The following THOC2 variants were observed in gnomAD, a reference collection of about 807,000 sequenced individuals.
THOC2 encodes the protein THO complex subunit 2, also known as THO complex 2.
Under a neutral mutation model 128.4 loss-of-function variants are expected in THOC2, and 10 were observed. The observed-to-expected ratio is 0.08, with a 90% CI of 0.05 to 0.13. The LOEUF is 0.13. THOC2 is among the 10% of genes least tolerant of loss of function. The probability of loss-of-function intolerance (pLI) is 1.00; values close to 1 mark genes in which losing one functional copy is unlikely to be tolerated. For synonymous variants in THOC2, 393 were observed against 396.9 expected (o/e 0.99, Z 0.12); for missense variants, 535 against 1,155.7 (o/e 0.46, Z 7.79).
intron 38 of THOC2, among the ~76,000 whole-genome samples, chrX:123,606,317 C>T (rs1285624551): frequency 2.8e-5 from 3 of 108,379 alleles, no homozygotes; most frequent in Admixed American, 9.9e-5. Flanking sequence ...ACAGGCCGGG[C>T]GTGGTGGCTC....
intron 1 of THOC2, among the ~76,000 whole-genome samples, chrX:123,719,054 T>C (rs915936047): frequency 1.8e-5 from 2 of 108,218 alleles, no homozygotes; most frequent in Admixed American, 2.0e-4. Context: ...GGCGGGCGCC[T>C]GTAGTCCCAG....
chrX:123,641,624 T>C (rs2047916210), intron 15 of THOC2, among the ~76,000 whole-genome samples: 1 of 111,565 alleles, frequency 9.0e-6, no homozygotes, highest in Admixed American at 9.6e-5. Flanking sequence ...ATATTTCAGG[T>C]GCCTCCCTCT....
chrX:123,712,110 T>C (rs2051219191), intron 2 of THOC2, among the ~76,000 whole-genome samples: 1 of 110,473 alleles, frequency 9.1e-6, no homozygotes, highest in Non-Finnish European at 1.9e-5. Flanking sequence ...TTTTATCTAA[T>C]GATTTTTGGC....
intron 4 of THOC2, among the ~76,000 whole-genome samples, chrX:123,702,185 A>C (rs1195398791): frequency 9.0e-6 from 1 of 111,619 alleles, no homozygotes. Context: ...CTATAATCCC[A>C]GCATTTTGGA....
chrX:123,654,962 T>C (rs2048512521), intron 12 of THOC2, among the ~76,000 whole-genome samples: 1 of 109,280 alleles, frequency 9.2e-6, no homozygotes, highest in Non-Finnish European at 1.9e-5. Flanking sequence ...TGGGGAGTCA[T>C]GGAATAAATG....
At chrX:123,628,498 C>G (rs761717940) in intron 22 of THOC2, among the ~76,000 whole-genome samples, 2 of 110,762 alleles carry the variant, frequency 1.8e-5, no homozygotes, top group Non-Finnish European at 3.8e-5. Context: ...GCGGGCAGAT[C>G]ACTTGAGATC....
intron 1 of THOC2, among the ~76,000 whole-genome samples, chrX:123,724,103 A>C (rs905329956): frequency 8.9e-6 from 1 of 112,032 alleles, no homozygotes; most frequent in Non-Finnish European, 1.9e-5. Context: ...TTTTATATCT[A>C]GTAATCCTTT....
chrX:123,709,717 A>T (rs894637377), intron 2 of THOC2, among the ~76,000 whole-genome samples: 1 of 112,105 alleles, frequency 8.9e-6, no homozygotes, highest in Non-Finnish European at 1.9e-5. Context: ...TTTTTTAAAC[A>T]ATAATGTACT....
rs758428635 is a variant in THOC2 at position 123,668,177 on chromosome X, T to G, written c.999A>C (p.Glu333Asp). ...TACATACTTTCTCTACTTTCTCCTC[T>G]TCTTTTTCCTTTTCTTTCTCTCGCT... is the stretch of plus-strand genomic sequence containing the variant. ...MDEREKEKEK[E>D]EEKVEKPPDN... is the part of the protein sequence containing the mutation. The change falls in exon 10 of 39, where the codon GAA (glutamate) becomes GAC (aspartate). Residue 333 changes from glutamate to aspartate, a missense_variant. Coordinates refer to ENST00000245838, the MANE Select transcript of THOC2 (RefSeq NM_001081550.2). The G allele has an allele frequency of 8.4e-6, 10 of 1,191,600 alleles. No individual in the cohort carries two copies. The highest frequency in any genetic ancestry group is 6.0e-5 in the East Asian group (2 of 33,174).
At chrX:123,625,858 T>C (rs1033657945) in intron 25 of THOC2, 54 bp downstream of exon 25, 18 of 1,110,560 alleles carry the variant, frequency 1.6e-5, no homozygotes, top group Non-Finnish European at 2.1e-5. Flanking sequence ...CTATAAATTA[T>C]AATGTTAGCT....
At chrX:123,707,627 A>G (rs886464778) in intron 2 of THOC2, among the ~76,000 whole-genome samples, 1 of 111,317 alleles carries the variant, frequency 9.0e-6, no homozygotes, top group Non-Finnish European at 1.9e-5. Flanking sequence ...TGGAGTGGGT[A>G]GTTAGTGGTC....
intron 12 of THOC2, among the ~76,000 whole-genome samples, chrX:123,657,142 G>A (rs938937190): frequency 4.5e-5 from 5 of 111,652 alleles, no homozygotes; most frequent in South Asian, 3.8e-4. Context: ...GAGATAACGC[G>A]GCTGAGGAAA....
intron 8 of THOC2, among the ~76,000 whole-genome samples, chrX:123,672,024 T>C (rs772645210): frequency 1.8e-5 from 2 of 112,577 alleles, no homozygotes; most frequent in Non-Finnish European, 3.8e-5. Flanking sequence ...AGGTTAACAT[T>C]TAAATAAAAT....
chrX:123,687,484 C>A (rs1005429722), intron 7 of THOC2, among the ~76,000 whole-genome samples: 1 of 111,707 alleles, frequency 9.0e-6, no homozygotes, highest in Non-Finnish European at 1.9e-5. Flanking sequence ...ACACTGATTT[C>A]TTCTAATACT....
chrX:123,667,828 G>A (rs188261047), intron 10 of THOC2, among the ~76,000 whole-genome samples: 4 of 109,772 alleles, frequency 3.6e-5, no homozygotes, highest in Admixed American at 2.0e-4. Flanking sequence ...ATGTTATGTC[G>A]TGCCACAGGA....
At chrX:123,710,728 G>A (rs1484152903) in intron 2 of THOC2, among the ~76,000 whole-genome samples, 1 of 109,777 alleles carries the variant, frequency 9.1e-6, no homozygotes, top group Non-Finnish European at 1.9e-5. Context: ...GGTGGCTCAC[G>A]CCTGTAATCC....
intron 8 of THOC2, among the ~76,000 whole-genome samples, chrX:123,675,467 C>G (rs763217509): frequency 9.1e-6 from 1 of 110,153 alleles, no homozygotes; most frequent in East Asian, 2.8e-4. Context: ...ATGGTGAAAC[C>G]CTGTCTTTAC....
intron 38 of THOC2, among the ~76,000 whole-genome samples, chrX:123,609,806 G>A (rs2046629460): frequency 9.0e-6 from 1 of 110,885 alleles, no homozygotes; most frequent in African/African-American, 3.3e-5. Context: ...TGAGGCAGGT[G>A]GATCACGAGG....
chrX:123,719,467 A>G (rs746201003), intron 1 of THOC2, among the ~76,000 whole-genome samples: 3 of 110,469 alleles, frequency 2.7e-5, no homozygotes, highest in East Asian at 5.7e-4. Context: ...GAGGCCAAGG[A>G]TAAGAATTGC....
Sources: gnomAD v4.1 joint callset for allele counts (sites outside exome capture counted in the v4.1 genomes callset) on GRCh38, gnomAD v4.1.1 for gene constraint, MANE v1.5 for transcripts, NCBI Gene and HGNC (gene_info 2026-07-23, HGNC 2026-07-21) for gene names.